CADM2: variants seen among roughly 807,000 people sequenced by gnomAD.
The protein encoded by CADM2 is cell adhesion molecule 2, also known as immunoglobulin superfamily member 4D.
A neutral mutation model predicts 49.8 loss-of-function variants in CADM2; 12 were observed. That is an observed-to-expected ratio of 0.24 (90% CI 0.15 to 0.39). CADM2 has a LOEUF of 0.39. Among genes scored for constraint, CADM2 ranks in the 10% least tolerant of loss-of-function variants. The pLI, the probability that CADM2 is intolerant of heterozygous loss-of-function variation, is 1.00. For synonymous variants in CADM2, 214 were observed against 175.4 expected, an observed-to-expected ratio of 1.22 and a Z score of -1.74; for missense variants, 378 against 492.3, an observed-to-expected ratio of 0.77 and a Z score of 2.20.
chr3:85,107,413 C>G (rs923504051), intron 1 of CADM2, among the ~76,000 whole-genome samples: 3 of 151,986 alleles, frequency 2.0e-5, no homozygotes, highest in Non-Finnish European at 4.4e-5. Context: ...TATACCACTT[C>G]GCAACATTAG....
intron 1 of CADM2, among the ~76,000 whole-genome samples, chr3:85,100,120 G>T (rs980196751): frequency 6.6e-6 from 1 of 152,058 alleles, no homozygotes; most frequent in Non-Finnish European, 1.5e-5. Context: ...GTAAAACAGT[G>T]TTCCACTATT....
At chr3:85,272,907 AACAACAACAAAT>A (rs2043273690) in intron 1 of CADM2, among the ~76,000 whole-genome samples, 1 of 151,300 alleles carries the variant, frequency 6.6e-6, no homozygotes, top group African/African-American at 2.4e-5. Context: ...AAGCAACAAC[AACAACAACAAAT>A]ACACACATTT....
At chr3:85,650,472 G>T (rs1318811004) in intron 1 of CADM2, among the ~76,000 whole-genome samples, 2 of 150,146 alleles carry the variant, frequency 1.3e-5, no homozygotes, top group Non-Finnish European at 3.0e-5. Context: ...TAGTGTGTGG[G>T]TGTTTGTATA....
At chr3:85,377,178 T>A (rs185787610) in intron 1 of CADM2, among the ~76,000 whole-genome samples, 2 of 152,240 alleles carry the variant, frequency 1.3e-5, no homozygotes, top group Admixed American at 6.5e-5. Flanking sequence ...CTTCTTTTGT[T>A]CATAAATGCT....
chr3:85,913,558 C>A (rs532572487), intron 6 of CADM2, among the ~76,000 whole-genome samples: 1 of 151,968 alleles, frequency 6.6e-6, no homozygotes, highest in East Asian at 1.9e-4. Flanking sequence ...TTTTTAGTGG[C>A]ACTATGTAAT....
chr3:84,960,864 C>T (rs1214376838), intron 1 of CADM2, among the ~76,000 whole-genome samples: 3 of 151,926 alleles, frequency 2.0e-5, no homozygotes, highest in Non-Finnish European at 2.9e-5. Context: ...GAGGCAGGGG[C>T]GGCGTGCTAG....
intron 1 of CADM2, among the ~76,000 whole-genome samples, chr3:85,489,186 T>C (rs551941896): frequency 1.3e-5 from 2 of 152,276 alleles, no homozygotes; most frequent in Admixed American, 1.3e-4. Flanking sequence ...ACATCATTTT[T>C]ATAAGTTGAA....
At chr3:85,743,168 G>A (rs1025517048) in intron 2 of CADM2, among the ~76,000 whole-genome samples, 1 of 151,556 alleles carries the variant, frequency 6.6e-6, no homozygotes, top group Admixed American at 6.6e-5. Context: ...CCTTCCTACT[G>A]GCAATTTTCA....
intron 1 of CADM2, among the ~76,000 whole-genome samples, chr3:85,642,339 TA>T (rs2064748755): frequency 6.6e-6 from 1 of 151,948 alleles, no homozygotes; most frequent in African/African-American, 2.4e-5. Context: ...AAATAGCAAC[TA>T]AAAAGTATTA....
intron 7 of CADM2, among the ~76,000 whole-genome samples, chr3:85,939,092 C>A (rs1449473356): frequency 6.6e-6 from 1 of 151,996 alleles, no homozygotes; most frequent in African/African-American, 2.4e-5. Flanking sequence ...TGTTCCGAAC[C>A]TGCCCTTCTT....
intron 1 of CADM2, among the ~76,000 whole-genome samples, chr3:85,498,817 T>A (rs1237057874): frequency 6.6e-6 from 1 of 152,124 alleles, no homozygotes; most frequent in East Asian, 1.9e-4. Context: ...ACTAATTCAG[T>A]GTTTATGGTG....
At chr3:85,129,220 A>G (rs1032959161) in intron 1 of CADM2, among the ~76,000 whole-genome samples, 1 of 152,154 alleles carries the variant, frequency 6.6e-6, no homozygotes, top group Non-Finnish European at 1.5e-5. Context: ...ATTTTTTTCT[A>G]AAATAGATGG....
chr3:85,620,889 A>G (rs1351043699), intron 1 of CADM2, among the ~76,000 whole-genome samples: 1 of 152,154 alleles, frequency 6.6e-6, no homozygotes, highest in Non-Finnish European at 1.5e-5. Flanking sequence ...TTGAAATAAT[A>G]CCACTTTATA....
Position 85,801,248 on chromosome 3 carries a change from A to G in CADM2, c.89-799A>G, listed in dbSNP as rs567003916. On this transcript the variant is annotated intron_variant, in intron 2 of 9. Transcript: ENST00000383699. ...TTTATTACATGAATTACTTTAACAA[A>G]TTAGTAAAATGCTTAAGAAGAGCAA... Among the ~76,000 whole-genome samples, 5 of 152,280 alleles carry G rather than the reference A, an allele frequency of 3.3e-5. No homozygotes were observed. The South Asian group carries it at 1.0e-3, about 32-fold the overall frequency.
chr3:85,333,064 T>G (rs1218998957), intron 1 of CADM2, among the ~76,000 whole-genome samples: 15 of 151,822 alleles, frequency 9.9e-5, no homozygotes, highest in Non-Finnish European at 3.0e-5. Context: ...CATTGTCTCG[T>G]TAGACATTTA....
chr3:85,200,840 A>G (rs1393002787), intron 1 of CADM2, among the ~76,000 whole-genome samples: 1 of 152,156 alleles, frequency 6.6e-6, no homozygotes, highest in African/African-American at 2.4e-5. Flanking sequence ...TTCCTATAGC[A>G]ACTTTTATTA....
chr3:85,108,446 A>T (rs1440116537), intron 1 of CADM2, among the ~76,000 whole-genome samples: 1 of 152,168 alleles, frequency 6.6e-6, no homozygotes, highest in East Asian at 1.9e-4. Context: ...CCATAAAAAG[A>T]CAACAATGCA....
intron 1 of CADM2, among the ~76,000 whole-genome samples, chr3:85,670,772 A>G (rs1287039564): frequency 6.6e-6 from 1 of 152,346 alleles, no homozygotes; most frequent in East Asian, 1.9e-4. Context: ...GTAATTTAGC[A>G]AGACAGCAGA....
intron 1 of CADM2, among the ~76,000 whole-genome samples, chr3:85,359,266 A>G (rs980981906): frequency 2.6e-5 from 4 of 152,150 alleles, no homozygotes; most frequent in African/African-American, 9.7e-5. Context: ...AGATTTTCAA[A>G]GTAATCCAAA....
Sources: gnomAD v4.1 joint callset for allele counts (sites outside exome capture counted in the v4.1 genomes callset) on GRCh38, gnomAD v4.1.1 for gene constraint, MANE v1.5 for transcripts, NCBI Gene and HGNC (gene_info 2026-07-23, HGNC 2026-07-21) for gene names.